ADAMTSL1: variants seen among roughly 807,000 people sequenced by gnomAD.
ADAMTSL1 encodes ADAMTS like 1.
ADAMTSL1 carries 126 observed loss-of-function variants against 201.8 expected under a neutral mutation model. The ratio of observed to expected loss-of-function variants is 0.62; its 90% CI spans 0.54 to 0.72. The LOEUF (loss-of-function observed/expected upper bound fraction) is 0.72, where lower values mean the gene tolerates loss of function less well. ADAMTSL1 is among the 30% of genes least tolerant of loss of function. ADAMTSL1 has a pLI of 0.00. For missense variants in ADAMTSL1, 2,679 were observed against 2,277.8 expected (o/e 1.18, Z -3.59); for synonymous variants, 1,121 against 903.4 (o/e 1.24, Z -4.32).
rs1413459480 is a variant in ADAMTSL1 at position 18,795,396 on chromosome 9, G to T, written c.3678-1G>T. 1 of 1,613,784 alleles carries T rather than the reference G, an allele frequency of 6.2e-7. No homozygotes were observed. Among genetic ancestry groups the T allele is most frequent in the Admixed American group, 1.7e-5 (1 of 59,986 alleles). On this transcript the variant is annotated splice_acceptor_variant, in intron 19 of 28. Coordinates refer to ENST00000380548, the MANE Select transcript of ADAMTSL1 (RefSeq NM_001040272.6). LOFTEE classifies it high-confidence loss of function. ...TCTATATTTCTTTTCTGTCGCTCCA[G>T]GATTCTTCTACAGCCAGATGATTCC... is the stretch of plus-strand genomic sequence containing the variant.
At chr9:18,219,786 C>A (rs1283995635) in intron 2 of ADAMTSL1, among the ~76,000 whole-genome samples, 1 of 152,052 alleles carries the variant, frequency 6.6e-6, no homozygotes, top group Non-Finnish European at 1.5e-5. Flanking sequence ...ATAAAAATAT[C>A]TTTTTAAATT....
intron 2 of ADAMTSL1, among the ~76,000 whole-genome samples, chr9:18,222,078 T>C (rs1435372980): frequency 1.3e-5 from 2 of 152,182 alleles, no homozygotes; most frequent in South Asian, 4.1e-4. Flanking sequence ...TTCTATTTTA[T>C]TCCATATTAA....
chr9:18,211,366 C>A (rs138864605), intron 2 of ADAMTSL1, among the ~76,000 whole-genome samples: 40 of 152,264 alleles, frequency 2.6e-4, no homozygotes, highest in African/African-American at 9.4e-4. Flanking sequence ...ATGTGAGTCT[C>A]AAGACCCATT....
intron 21 of ADAMTSL1, among the ~76,000 whole-genome samples, chr9:18,821,887 G>T (rs1824232097): frequency 6.6e-6 from 1 of 152,036 alleles, no homozygotes. Flanking sequence ...TACCCTGTCT[G>T]GGACTTTTTA....
At chr9:17,920,203 C>A (rs1826252160) in intron 1 of ADAMTSL1, among the ~76,000 whole-genome samples, 1 of 152,122 alleles carries the variant, frequency 6.6e-6, no homozygotes, top group African/African-American at 2.4e-5. Flanking sequence ...CTGTCACATG[C>A]CTATGAATAA....
In ADAMTSL1 at chr9:18,777,861, C is replaced by T; in HGVS notation, c.3632C>T (p.Thr1211Ile). ...GAGGCCATCGGCCACCCAAGGCCTACCATCAGCTGGGCCAGGAATGGAGAA... is the reference window on the plus strand; with the variant it reads ...GAGGCCATCGGCCACCCAAGGCCTATCATCAGCTGGGCCAGGAATGGAGAA... ...HCEAIGHPRP[T>I]ISWARNGEEV... The change falls in exon 19 of 29, where the codon ACC (threonine) becomes ATC (isoleucine). Residue 1211 changes from threonine to isoleucine, a missense_variant. Coordinates refer to ENST00000380548, the MANE Select transcript of ADAMTSL1 (RefSeq NM_001040272.6). The T allele has an allele frequency of 6.3e-7, 1 of 1,578,026 alleles. No homozygotes were observed. The highest frequency in any genetic ancestry group is 1.3e-5 in the African/African-American group (1 of 74,188).
In ADAMTSL1 at chr9:18,715,677, T is replaced by A. The variant is rs201239421; in HGVS notation, c.1877-5859T>A. The stretch of plus-strand genomic sequence containing the variant: ...CCATACTGCCCAAGGTAATTTATAG[T>A]TTCAATGCCATCCCCATCAAGCTAC... On this transcript the variant is annotated intron_variant, in intron 14 of 28. Transcript: ENST00000380548. Among the ~76,000 whole-genome samples, 10 of 152,086 alleles carry A rather than the reference T, an allele frequency of 6.6e-5. No individual in the cohort carries two copies. In the East Asian group the frequency reaches 9.7e-4, roughly 15 times the overall value.
chr9:18,625,775 G>T lies in ADAMTSL1; in HGVS notation c.601+3406G>T, dbSNP rs188146159. ...ATATTTCCAGCTTTGCAGAACTCTC[G>T]TCTGTATCTGTATGTTTTGAAATCA... On this transcript the variant is annotated intron_variant, in intron 5 of 28. Transcript: ENST00000380548. Among the ~76,000 whole-genome samples the T allele has an allele frequency of 9.9e-4, 150 of 152,218 alleles. 2 individuals carry two copies. Among genetic ancestry groups the T allele is most frequent in the African/African-American group, 3.6e-3 (148 of 41,540 alleles).
chr9:18,187,644 C>T (rs937158839), intron 2 of ADAMTSL1, among the ~76,000 whole-genome samples: 3 of 151,982 alleles, frequency 2.0e-5, no homozygotes, highest in African/African-American at 7.2e-5. Context: ...TTATTGGCTT[C>T]TTTTTAATAT....
chr9:18,196,679 C>T (rs570479049), intron 2 of ADAMTSL1, among the ~76,000 whole-genome samples: 36 of 152,180 alleles, frequency 2.4e-4, no homozygotes, highest in African/African-American at 8.4e-4. Flanking sequence ...ATCCTGATCA[C>T]AGCCTCCAGT....
intron 5 of ADAMTSL1, chr9:18,622,712 G>A (rs1826113606): frequency 2.4e-6 from 1 of 412,940 alleles, no homozygotes; most frequent in Non-Finnish European, 4.3e-6. Context: ...ATGCCTGGTG[G>A]AAGATAACGA....
At chr9:18,339,769 C>T (rs908377683) in intron 2 of ADAMTSL1, among the ~76,000 whole-genome samples, 1 of 152,090 alleles carries the variant, frequency 6.6e-6, no homozygotes, top group African/African-American at 2.4e-5. Flanking sequence ...TACCTCCAAA[C>T]TCTAGTATCT....
At chr9:18,573,013 TAC>T (rs1026823046) in intron 3 of ADAMTSL1, among the ~76,000 whole-genome samples, 1 of 152,226 alleles carries the variant, frequency 6.6e-6, no homozygotes, top group African/African-American at 2.4e-5. Context: ...AATTAAATCT[TAC>T]CTGCTTTTAC....
At chr9:18,772,699 A>C (rs2133729230) in intron 17 of ADAMTSL1, among the ~76,000 whole-genome samples, 1 of 152,332 alleles carries the variant, frequency 6.6e-6, no homozygotes, top group Non-Finnish European at 1.5e-5. Context: ...GCCTACTAAA[A>C]GTGAACCCTT....
chr9:18,847,815 G>C (rs767764454), intron 23 of ADAMTSL1, among the ~76,000 whole-genome samples: 31 of 152,222 alleles, frequency 2.0e-4, no homozygotes, highest in Non-Finnish European at 3.7e-4. Flanking sequence ...GAAGATCAGA[G>C]AGGCAACCAG....
At chr9:18,703,961 A>T (rs1832083065) in intron 13 of ADAMTSL1, among the ~76,000 whole-genome samples, 1 of 151,942 alleles carries the variant, frequency 6.6e-6, no homozygotes, top group Non-Finnish European at 1.5e-5. Flanking sequence ...TTGAAAACAC[A>T]AATCAAGTTG....
intron 16 of ADAMTSL1, among the ~76,000 whole-genome samples, chr9:18,767,564 T>C (rs890965583): frequency 2.0e-5 from 3 of 152,304 alleles, no homozygotes; most frequent in Admixed American, 2.0e-4. Flanking sequence ...TTTAAAACCT[T>C]AGTTATCCAT....
intron 19 of ADAMTSL1, among the ~76,000 whole-genome samples, chr9:18,786,327 G>A (rs1230182371): frequency 1.3e-5 from 2 of 152,164 alleles, no homozygotes; most frequent in Non-Finnish European, 2.9e-5. Flanking sequence ...GGAGCAACCT[G>A]ATGGCACATC....
intron 1 of ADAMTSL1, among the ~76,000 whole-genome samples, chr9:18,011,957 C>A (rs1269744433): frequency 6.6e-6 from 1 of 151,988 alleles, no homozygotes; most frequent in Non-Finnish European, 1.5e-5. Context: ...GACATAGGGG[C>A]AATCCTCCAG....
Sources: allele counts gnomAD v4.1 joint callset (sites outside exome capture counted in the v4.1 genomes callset), GRCh38; gene constraint gnomAD v4.1.1; transcripts MANE v1.5; gene names NCBI Gene and HGNC (gene_info 2026-07-23, HGNC 2026-07-21).